CCDC141: variants seen among roughly 807,000 people sequenced by gnomAD.
CCDC141 encodes coiled-coil domain containing 141.
A neutral mutation model predicts 181.0 loss-of-function variants in CCDC141; 168 were observed. That is an observed-to-expected ratio of 0.93 (90% CI 0.82 to 1.05). The LOEUF (loss-of-function observed/expected upper bound fraction) is 1.05. Among genes scored for constraint, CCDC141 ranks in the 50% least tolerant of loss-of-function variants. The pLI is 0.00. For synonymous variants in CCDC141, 666 were observed against 642.3 expected, an observed-to-expected ratio of 1.04 and a Z score of -0.56; for missense variants, 1,902 against 1,788.5, an observed-to-expected ratio of 1.06 and a Z score of -1.14.
chr2:178,932,614 A>T (rs941133811), intron 6 of CCDC141, among the ~76,000 whole-genome samples: 1 of 152,236 alleles, frequency 6.6e-6, no homozygotes, highest in Non-Finnish European at 1.5e-5. Flanking sequence ...ACATACACAC[A>T]TATAGTGTAT....
chr2:179,011,944 AT>A, intron 2 of CCDC141, among the ~76,000 whole-genome samples: 1 of 152,292 alleles, frequency 6.6e-6, no homozygotes, highest in Non-Finnish European at 1.5e-5. Flanking sequence ...GACACAACCT[AT>A]CAAAATCTCT....
At chr2:178,952,240 T>A (rs1023933981) in intron 5 of CCDC141, among the ~76,000 whole-genome samples, 1 of 152,256 alleles carries the variant, frequency 6.6e-6, no homozygotes, top group African/African-American at 2.4e-5. Context: ...CCAGTGTGTC[T>A]GATTTTGTAT....
At chr2:179,013,148 T>C (rs577246886) in intron 2 of CCDC141, among the ~76,000 whole-genome samples, 6 of 152,124 alleles carry the variant, frequency 3.9e-5, no homozygotes, top group African/African-American at 1.4e-4. Flanking sequence ...ATAAAGGGCA[T>C]CCAAATCAGT....
At chr2:178,862,243 G>A (rs1381064664) in intron 17 of CCDC141, among the ~76,000 whole-genome samples, 5 of 152,170 alleles carry the variant, frequency 3.3e-5, no homozygotes, top group Non-Finnish European at 5.9e-5. Flanking sequence ...TTGCTACAGT[G>A]GAAAATTTCA....
intron 2 of CCDC141, among the ~76,000 whole-genome samples, chr2:179,035,315 A>G (rs1333739779): frequency 6.6e-6 from 1 of 152,154 alleles, no homozygotes; most frequent in Non-Finnish European, 1.5e-5. Flanking sequence ...AGTTCCACTT[A>G]TCCACTGTCT....
intron 2 of CCDC141, among the ~76,000 whole-genome samples, chr2:178,989,605 A>AAAT (rs1553498032): frequency 5.4e-4 from 74 of 136,890 alleles, no homozygotes; most frequent in African/African-American, 1.3e-3. Context: ...AAAAAAAAAA[A>AAAT]AAATAAATAA....
intron 23 of CCDC141, chr2:178,836,544 C>A: frequency 5.6e-6 from 1 of 178,836 alleles, no homozygotes; most frequent in South Asian, 1.4e-4. Flanking sequence ...TTAAAGCAAG[C>A]AGATGCCATG....
chr2:178,884,288 C>A (rs1032980556), intron 11 of CCDC141, among the ~76,000 whole-genome samples: 2 of 150,210 alleles, frequency 1.3e-5, no homozygotes, highest in African/African-American at 2.5e-5. Context: ...TCACTATGAC[C>A]AAGGGAAAGT....
intron 5 of CCDC141, among the ~76,000 whole-genome samples, chr2:178,952,584 G>A (rs1009123701): frequency 6.6e-6 from 1 of 152,144 alleles, no homozygotes; most frequent in African/African-American, 2.4e-5. Context: ...ATAGTCATTC[G>A]CATACATTCC....
At chr2:178,960,126 C>T (rs1281957195) in intron 5 of CCDC141, among the ~76,000 whole-genome samples, 1 of 152,034 alleles carries the variant, frequency 6.6e-6, no homozygotes, top group Admixed American at 6.6e-5. Flanking sequence ...AGGACAGCCT[C>T]CCACAACCAG....
chr2:179,015,142 T>A (rs1326477373), intron 2 of CCDC141, among the ~76,000 whole-genome samples: 1 of 127,156 alleles, frequency 7.9e-6, no homozygotes, highest in African/African-American at 2.9e-5. Flanking sequence ...ATATCATATA[T>A]ATCAATATAT....
At chr2:178,920,780 T>C (rs1688655710) in intron 6 of CCDC141, among the ~76,000 whole-genome samples, 1 of 151,964 alleles carries the variant, frequency 6.6e-6, no homozygotes, top group African/African-American at 2.4e-5. Context: ...AGATAGAAAC[T>C]GTACATATTA....
intron 2 of CCDC141, among the ~76,000 whole-genome samples, chr2:179,015,482 TATATC>T (rs1399476663): frequency 1.0e-5 from 1 of 100,016 alleles, no homozygotes; most frequent in Non-Finnish European, 2.5e-5. Flanking sequence ...ATGTGCCATA[TATATC>T]ATATATGTGC....
At chr2:178,844,589 AAGAC>A (rs1305042465) in intron 22 of CCDC141, among the ~76,000 whole-genome samples, 1 of 152,206 alleles carries the variant, frequency 6.6e-6, no homozygotes, top group Admixed American at 6.5e-5. Context: ...ACCACAAAAA[AAGAC>A]AGTTTGCTTA....
intron 7 of CCDC141, among the ~76,000 whole-genome samples, chr2:178,911,541 C>G (rs1234093282): frequency 6.6e-6 from 1 of 152,218 alleles, no homozygotes; most frequent in Non-Finnish European, 1.5e-5. Flanking sequence ...TTATTTTACA[C>G]TCCAACTGTA....
chr2:178,838,919 G>C (rs776048159), intron 22 of CCDC141, among the ~76,000 whole-genome samples: 1 of 152,162 alleles, frequency 6.6e-6, no homozygotes, highest in Admixed American at 6.5e-5. Flanking sequence ...GCTGAAAAGC[G>C]ATCTTATCTA....
chr2:178,987,898 G>GAA (rs1467990838), intron 2 of CCDC141, among the ~76,000 whole-genome samples: 1 of 150,896 alleles, frequency 6.6e-6, no homozygotes, highest in Admixed American at 6.6e-5. Flanking sequence ...AACCATTGTG[G>GAA]AAGTCAGTGT....
intron 4 of CCDC141, among the ~76,000 whole-genome samples, chr2:178,967,540 TGAGA>T: frequency 6.6e-6 from 1 of 152,292 alleles, no homozygotes; most frequent in Admixed American, 6.5e-5. Flanking sequence ...AAGGAAATGC[TGAGA>T]GATTTTGTCA....
chr2:178,996,146 G>A (rs985272611), intron 2 of CCDC141, among the ~76,000 whole-genome samples: 1 of 151,244 alleles, frequency 6.6e-6, no homozygotes, highest in African/African-American at 2.4e-5. Context: ...GAGTGCAGTG[G>A]CTTGATCTTG....
Sources: allele counts gnomAD v4.1 joint callset (sites outside exome capture counted in the v4.1 genomes callset), GRCh38; gene constraint gnomAD v4.1.1; transcripts MANE v1.5; gene names NCBI Gene and HGNC (gene_info 2026-07-23, HGNC 2026-07-21).